Variants in FAS observed in about 807,000 individuals in gnomAD.
FAS encodes Fas cell surface death receptor.
Under a neutral mutation model 33.2 loss-of-function variants are expected in FAS, and 5 were observed. The ratio of observed to expected loss-of-function variants is 0.15; its 90% CI spans 0.08 to 0.32. The LOEUF is 0.32. FAS is among the 10% of genes least tolerant of loss of function. The pLI is 1.00. For synonymous variants in FAS, 131 were observed against 130.7 expected, an observed-to-expected ratio of 1.00 and a Z score of -0.01; for missense variants, 339 against 386.0, an observed-to-expected ratio of 0.88 and a Z score of 1.02.
chr10:88,989,403 G>A (rs529031667), upstream of FAS: 2 of 426,566 alleles, frequency 4.7e-6, no homozygotes, highest in South Asian at 3.5e-5. Context: ...CAAAAAATTT[G>A]CAGAGATAAT....
upstream of FAS, among the ~76,000 whole-genome samples, chr10:88,982,065 A>G (rs1170394912): frequency 6.6e-6 from 1 of 152,266 alleles, no homozygotes; most frequent in African/African-American, 2.4e-5. Context: ...GGTATGTGTT[A>G]GTTCAAGAAG....
At chr10:88,990,728 G>A (rs1006257048), upstream of FAS, 13 of 898,192 alleles carry the variant, frequency 1.4e-5, no homozygotes, top group African/African-American at 2.1e-4. This position sits in a 1 kb window ranked among gnomAD's most constrained non-coding sequence, Gnocchi z 4.9. Context: ...TGACTTGGCT[G>A]GAGCCTCAGG....
At chr10:88,993,096 C>A (rs887337527) in intron 1 of FAS, among the ~76,000 whole-genome samples, 1 of 152,152 alleles carries the variant, frequency 6.6e-6, no homozygotes, top group Non-Finnish European at 1.5e-5. Flanking sequence ...CAACAAGTAT[C>A]CCCATCCTTA....
chr10:88,986,621 T>TGGAAGTAGTACAGAAA (rs1200905345), upstream of FAS, among the ~76,000 whole-genome samples: 1 of 151,936 alleles, frequency 6.6e-6, no homozygotes, highest in Non-Finnish European at 1.5e-5. Context: ...AATGTGAGCA[T>TGGAAGTAGTACAGAAA]GGAAGTAGTA....
At chr10:89,008,801 CA>C in intron 3 of FAS, 87 bp from the exon 4 acceptor site, 1 of 1,251,368 alleles carries the variant, frequency 8.0e-7, no homozygotes, top group East Asian at 2.3e-5. Flanking sequence ...CAGTGGATCT[CA>C]AAAATCCATG....
At chr10:88,996,226 T>A (rs916493427) in intron 1 of FAS, among the ~76,000 whole-genome samples, 6 of 152,154 alleles carry the variant, frequency 3.9e-5, no homozygotes, top group African/African-American at 1.4e-4. Flanking sequence ...TTAGCTTTGG[T>A]TTTTAGCCAT....
At position 89,013,378 on chromosome 10, in the gene FAS, T is replaced by C; in HGVS notation, c.676+11T>C. 1.9e-6 allele frequency: 3 copies of C among 1,611,534 alleles called. No individual in the cohort carries two copies. Among genetic ancestry groups the C allele is most frequent in the Non-Finnish European group, 2.5e-6 (3 of 1,178,632 alleles). On this transcript the variant is annotated intron_variant, in intron 8 of 8. Transcript: ENST00000652046. ...CAATAAATTTATCTGGTAAGGCTTT[T>C]ATCATTTTATTTCATAGAGATGGCA...
chr10:89,006,811 CTA>C (rs1848254430), intron 2 of FAS, among the ~76,000 whole-genome samples: 1 of 152,110 alleles, frequency 6.6e-6, no homozygotes, highest in South Asian at 2.1e-4. Flanking sequence ...TAATAAACAC[CTA>C]TCAGATAAAT....
chr10:89,003,323 C>A (rs903191333), intron 2 of FAS, 129 bp downstream of exon 2: 2 of 966,072 alleles, frequency 2.1e-6, no homozygotes, highest in Admixed American at 2.6e-5. Flanking sequence ...GAGAGAAAAA[C>A]AACTATGAAA....
intron 2 of FAS, among the ~76,000 whole-genome samples, chr10:89,004,372 CTTA>C (rs888841435): frequency 3.3e-5 from 5 of 150,556 alleles, no homozygotes; most frequent in Non-Finnish European, 7.4e-5. Flanking sequence ...ACTTTTTTTT[CTTA>C]TTATTATACT....
chr10:88,989,387 G>T, upstream of FAS: 2 of 398,610 alleles, frequency 5.0e-6, no homozygotes, highest in Non-Finnish European at 1.0e-5. Flanking sequence ...AATAGTTTTA[G>T]GATTTCAAAA....
chr10:89,014,347 A>G lies in FAS; in HGVS notation c.905A>G (p.Asn302Ser). ...DTLIKDLKKA[N>S]LCTLAEKIQT... is the part of the protein sequence containing the mutation. Reference sequence around the variant, plus strand: ...TTGATTAAAGATCTCAAAAAAGCCAATCTTTGTACTCTTGCAGAGAAAATT... The same window carrying G: ...TTGATTAAAGATCTCAAAAAAGCCAGTCTTTGTACTCTTGCAGAGAAAATT... Residue 302 changes from asparagine (N) to serine (S), a missense_variant, in exon 9 of 9, where the codon AAT becomes AGT. Transcript: ENST00000652046. 6 of 1,613,900 alleles carry G rather than the reference A, an allele frequency of 3.7e-6. No individual in the cohort carries two copies. Among genetic ancestry groups the G allele is most frequent in the Non-Finnish European group, 5.1e-6 (6 of 1,179,918 alleles).
At chr10:88,985,137 T>G (rs1276721817), upstream of FAS, among the ~76,000 whole-genome samples, 1 of 152,192 alleles carries the variant, frequency 6.6e-6, no homozygotes, top group Non-Finnish European at 1.5e-5. Context: ...TCTCCCAGAA[T>G]CTATCTGGGC....
Position 89,016,344 on chromosome 10 carries a change from T to G in FAS, c.*1894T>G, listed in dbSNP as rs2119485103. The G allele has an allele frequency of 4.6e-6, 1 of 218,956 alleles. No individual in the cohort carries two copies. Among genetic ancestry groups the G allele is most frequent in the East Asian group, 6.7e-5 (1 of 14,918 alleles). 13.6% of individuals were successfully genotyped at this position (218,956 alleles called of 1,614,324 possible). A position where few individuals can be genotyped will look rare whatever the true frequency, so the allele number is the denominator to read the frequency against. On this transcript the variant is annotated 3_prime_UTR_variant, in exon 9 of 9. Coordinates refer to ENST00000652046, the MANE Select transcript of FAS (RefSeq NM_000043.6). ...AGGGTTCACTCATTAATTTCTCTTT[T>G]CTGAGCCATCATAGTCTGTGCTGTC... is the stretch of plus-strand genomic sequence containing the variant.
At position 89,015,082 on chromosome 10, in the gene FAS, A is replaced by C; in HGVS notation, c.*632A>C. 1 of 534,652 alleles carries C rather than the reference A, an allele frequency of 1.9e-6. No individual in the cohort carries two copies. Among genetic ancestry groups the C allele is most frequent in the South Asian group, 1.5e-5 (1 of 65,122 alleles). The allele number at this position is 534,652 out of a possible 1,614,324, so 33.1% of individuals were successfully genotyped here. A position where few individuals can be genotyped will look rare whatever the true frequency, so the allele number is the denominator to read the frequency against. On this transcript the variant is annotated 3_prime_UTR_variant, in exon 9 of 9. Transcript: ENST00000652046. ...ATTGTGAATTCACATAGAAAACATT[A>C]AATTATAATGTTTGACTATTATATA...
chr10:89,012,169 T>A (rs1848567002), intron 7 of FAS, 88 bp downstream of exon 7: 2 of 1,126,060 alleles, frequency 1.8e-6, no homozygotes, highest in Non-Finnish European at 2.7e-6. Context: ...TTTTACTTTT[T>A]TGTTTCTTGT....
chr10:88,996,680 CA>C (rs1413021221), intron 1 of FAS, among the ~76,000 whole-genome samples: 1 of 152,016 alleles, frequency 6.6e-6, no homozygotes, highest in African/African-American at 2.4e-5. Context: ...AATTATCTTC[CA>C]AAATATGTAC....
upstream of FAS, chr10:88,990,488 G>T: frequency 1.8e-6 from 1 of 561,354 alleles, no homozygotes; most frequent in Non-Finnish European, 3.4e-6. This position sits in a 1 kb window ranked among gnomAD's most constrained non-coding sequence, Gnocchi z 4.9. Context: ...GCCCATTTGT[G>T]CAACGAACCC....
At chr10:88,980,559 T>C (rs1846685985) in intron 2 of FAS, among the ~76,000 whole-genome samples, 1 of 152,156 alleles carries the variant, frequency 6.6e-6, no homozygotes, top group Non-Finnish European at 1.5e-5. Context: ...AATGTTCTTA[T>C]CCTGCCTACT....
Sources: allele counts gnomAD v4.1 joint callset (sites outside exome capture counted in the v4.1 genomes callset), GRCh38; gene constraint gnomAD v4.1.1; non-coding constraint Gnocchi (gnomAD v3.1); transcripts MANE v1.5; gene names NCBI Gene and HGNC (gene_info 2026-07-23, HGNC 2026-07-21).